ANO10: variants seen among roughly 807,000 people sequenced by gnomAD.
ANO10 encodes anoctamin 10, also known as anoctamin-10.
In ANO10, 77 loss-of-function variants were observed where a neutral mutation model predicts 74.7. That is an observed-to-expected ratio of 1.03 (90% CI 0.86 to 1.25). ANO10 has a LOEUF of 1.25. Ranked by LOEUF, ANO10 falls within the 50% of genes most tolerant of loss-of-function variation. ANO10 has a pLI of 0.00. For missense variants in ANO10, 721 were observed against 778.1 expected, an observed-to-expected ratio of 0.93 and a Z score of 0.87; for synonymous variants, 279 against 284.9, an observed-to-expected ratio of 0.98 and a Z score of 0.21.
Position 43,457,507 on chromosome 3 carries a change from T to C in ANO10, c.1798-24780A>G, listed in dbSNP as rs999582528. 5.3e-5 allele frequency among the ~76,000 whole-genome samples: 8 copies of C among 152,110 alleles called. 1 individual carries two copies. The highest frequency in any genetic ancestry group is 1.2e-4 in the Non-Finnish European group (8 of 68,038). ...AAACACTTATAAAAACCACCAGATC[T>C]CATGAGAACTCACTCACTATCATGA... On this transcript the variant is annotated intron_variant, in intron 11 of 12. Coordinates refer to ENST00000292246, the MANE Select transcript of ANO10 (RefSeq NM_018075.5).
chr3:43,499,423 T>C (rs1273488443), intron 11 of ANO10, among the ~76,000 whole-genome samples: 2 of 152,156 alleles, frequency 1.3e-5, no homozygotes, highest in Non-Finnish European at 2.9e-5. Flanking sequence ...GAAGTCTGTC[T>C]TAGATTGAGC....
intron 11 of ANO10, among the ~76,000 whole-genome samples, chr3:43,513,735 C>T (rs1205380039): frequency 6.6e-6 from 1 of 152,140 alleles, no homozygotes; most frequent in Non-Finnish European, 1.5e-5. Flanking sequence ...TGGTCTTGAT[C>T]TCCTGACCTT....
chr3:43,678,176 G>A (rs973683764), intron 1 of ANO10, among the ~76,000 whole-genome samples: 14 of 152,102 alleles, frequency 9.2e-5, no homozygotes, highest in African/African-American at 2.4e-4. Context: ...CTAATACAAG[G>A]TCTATTTTAT....
chr3:43,539,430 T>C (rs1389895639), intron 11 of ANO10, among the ~76,000 whole-genome samples: 1 of 152,224 alleles, frequency 6.6e-6, no homozygotes, highest in Non-Finnish European at 1.5e-5. Flanking sequence ...AGTTTGACTC[T>C]GGATCAGTTC....
At chr3:43,580,691 A>G (rs1465297284) in intron 4 of ANO10, among the ~76,000 whole-genome samples, 7 of 152,170 alleles carry the variant, frequency 4.6e-5, no homozygotes, top group Admixed American at 4.6e-4. Context: ...AAAATTTTAA[A>G]CCATATAGAA....
chr3:43,679,421 G>A (rs947016778), intron 1 of ANO10, among the ~76,000 whole-genome samples: 10 of 152,178 alleles, frequency 6.6e-5, no homozygotes, highest in Non-Finnish European at 1.3e-4. Flanking sequence ...CGAGGCTTGA[G>A]TAGGTAAACA....
At chr3:43,540,117 T>A (rs1262203290) in intron 11 of ANO10, among the ~76,000 whole-genome samples, 2 of 152,232 alleles carry the variant, frequency 1.3e-5, no homozygotes, top group Non-Finnish European at 2.9e-5. Context: ...AGAAGCCCAT[T>A]TAGATGACAC....
intron 7 of ANO10, among the ~76,000 whole-genome samples, chr3:43,572,264 G>A (rs1240512680): frequency 1.3e-5 from 2 of 152,190 alleles, no homozygotes; most frequent in Non-Finnish European, 2.9e-5. Flanking sequence ...AGTTTCCTGG[G>A]GAAGTGCTCT....
chr3:43,645,467 G>A (rs750901218), intron 1 of ANO10, among the ~76,000 whole-genome samples: 2 of 144,864 alleles, frequency 1.4e-5, no homozygotes, highest in African/African-American at 5.2e-5. Context: ...CCAGCCTGGC[G>A]ACAGAGTGAG....
chr3:43,641,667 T>A (rs2083671719), intron 1 of ANO10, among the ~76,000 whole-genome samples: 1 of 152,182 alleles, frequency 6.6e-6, no homozygotes, highest in African/African-American at 2.4e-5. Context: ...ATTGAAAGGA[T>A]TTAAGTCACT....
intron 11 of ANO10, among the ~76,000 whole-genome samples, chr3:43,440,454 CA>C: frequency 6.6e-6 from 1 of 151,578 alleles, no homozygotes. Flanking sequence ...TTATAAGAGA[CA>C]AATGAGGATA....
chr3:43,539,181 T>C (rs531031041), intron 11 of ANO10, among the ~76,000 whole-genome samples: 30 of 152,042 alleles, frequency 2.0e-4, no homozygotes, highest in Non-Finnish European at 2.2e-4. Context: ...TGCCCCCACA[T>C]TCCACTTTTT....
intron 11 of ANO10, among the ~76,000 whole-genome samples, chr3:43,457,205 T>C (rs560668070): frequency 6.6e-6 from 1 of 152,366 alleles, no homozygotes; most frequent in South Asian, 2.1e-4. Flanking sequence ...GCACACAAAA[T>C]GCCTCTTAGC....
chr3:43,672,271 C>G (rs1003540486), intron 1 of ANO10, among the ~76,000 whole-genome samples: 14 of 152,096 alleles, frequency 9.2e-5, no homozygotes, highest in African/African-American at 3.4e-4. Context: ...CGCCTGTAAT[C>G]CCAGCACTTT....
In ANO10 at chr3:43,620,048, G is replaced by A. The variant is rs114655652; in HGVS notation, c.-12+1861C>T. Among the ~76,000 whole-genome samples the A allele has an allele frequency of 5.2e-3, 784 of 152,154 alleles. 5 individuals carry two copies. Among genetic ancestry groups the A allele is most frequent in the African/African-American group, 0.018 (755 of 41,494 alleles). ...CTGCTTATAAAAACAGAAGGCTAGAGACAATTTAACTGACAGATGAGAAAA... is the reference window on the plus strand; with the variant it reads ...CTGCTTATAAAAACAGAAGGCTAGAAACAATTTAACTGACAGATGAGAAAA... On this transcript the variant is annotated intron_variant, in intron 1 of 12. Transcript: ENST00000292246.
At chr3:43,373,686 C>T (rs537474368) in intron 12 of ANO10, among the ~76,000 whole-genome samples, 144 of 152,310 alleles carry the variant, frequency 9.5e-4, no homozygotes, top group Middle Eastern at 3.4e-3. Context: ...GGCTTTCCAG[C>T]CATCCCCAGG....
intron 11 of ANO10, among the ~76,000 whole-genome samples, chr3:43,470,384 C>T (rs1280193363): frequency 6.6e-6 from 1 of 152,126 alleles, no homozygotes; most frequent in Non-Finnish European, 1.5e-5. Flanking sequence ...GACGGAGTCT[C>T]GTTCTGTCGC....
At chr3:43,474,219 C>T (rs528209200) in intron 11 of ANO10, among the ~76,000 whole-genome samples, 2 of 152,074 alleles carry the variant, frequency 1.3e-5, no homozygotes, top group African/African-American at 4.8e-5. Flanking sequence ...TCCCCGCCCC[C>T]CCCAACCCCA....
intron 11 of ANO10, among the ~76,000 whole-genome samples, chr3:43,475,134 C>T (rs559415688): frequency 2.0e-5 from 3 of 152,212 alleles, no homozygotes; most frequent in South Asian, 2.1e-4. Flanking sequence ...CACTATGTCA[C>T]GGCTGTCTTT....
Sources: allele counts gnomAD v4.1 joint callset (sites outside exome capture counted in the v4.1 genomes callset), GRCh38; gene constraint gnomAD v4.1.1; transcripts MANE v1.5; gene names NCBI Gene and HGNC (gene_info 2026-07-23, HGNC 2026-07-21).